Variants in CTSH observed in about 807,000 individuals in gnomAD.
The protein encoded by CTSH is cathepsin H, also known as pro-cathepsin H.
In CTSH, 52 loss-of-function variants were observed where a neutral mutation model predicts 56.3. The observed-to-expected ratio is 0.92, with a 90% confidence interval of 0.74 to 1.16. CTSH has a LOEUF of 1.16. Among genes scored for constraint, CTSH ranks in the 50% most tolerant of loss-of-function variants. The pLI, the probability that CTSH is intolerant of heterozygous loss-of-function variation, is 0.00. For synonymous variants in CTSH, 174 were observed against 155.7 expected (o/e 1.12, Z -0.88); for missense variants, 406 against 424.5 (o/e 0.96, Z 0.38).
Position 78,944,830 on chromosome 15 carries a change from T to C in CTSH, c.91+61A>G, listed in dbSNP as rs535954419. On this transcript the variant is annotated intron_variant, in intron 1 of 11. Transcript: ENST00000220166. ...GAGCCCAGTGCGCCCCTGGCCAAGTTCTCCCAGCGTCCACTCTAGGGCCTG... is the reference window on the plus strand; with the variant it reads ...GAGCCCAGTGCGCCCCTGGCCAAGTCCTCCCAGCGTCCACTCTAGGGCCTG... The C allele has an allele frequency of 5.4e-6, 8 of 1,492,726 alleles. No homozygotes were observed. The East Asian group carries it at 1.3e-4, about 25-fold the overall frequency. The allele number at this position is 1,492,726 out of a possible 1,614,324, so 92.5% of individuals were successfully genotyped here.
At position 78,922,017 on chromosome 15, in the gene CTSH, G is replaced by A. The variant is rs1158543163; in HGVS notation, c.*113C>T. The A allele has an allele frequency of 4.2e-6, 4 of 962,296 alleles. No homozygotes were observed. The highest frequency in any genetic ancestry group is 6.3e-6 in the Non-Finnish European group (4 of 630,618). 59.6% of individuals were successfully genotyped at this position (962,296 alleles called of 1,614,324 possible). The stretch of plus-strand genomic sequence containing the variant: ...CTGGGCACAGAGGTGAGGGCAGAAT[G>A]TTGGGGGTCCCAGTGGATCTCCCCA... On this transcript the variant is annotated 3_prime_UTR_variant, in exon 12 of 12. Coordinates refer to ENST00000220166, the MANE Select transcript of CTSH (RefSeq NM_004390.5).
chr15:78,923,250 G>T lies in CTSH; in HGVS notation c.807-132C>A. The T allele has an allele frequency of 4.3e-6, 4 of 937,320 alleles. No individual in the cohort carries two copies. The South Asian group carries it at 6.0e-5, about 14-fold the overall frequency. The allele number at this position is 937,320 out of a possible 1,614,324, so 58.1% of individuals were successfully genotyped here. A position where few individuals can be genotyped will look rare whatever the true frequency, so the allele number is the denominator to read the frequency against. On this transcript the variant is annotated intron_variant, in intron 10 of 11. Transcript: ENST00000220166. ...GCGGACCAGGGAGGCATGTAAGGTGGTGATGTAATCACATTTAGTCTCCGT... is the reference window on the plus strand; with the variant it reads ...GCGGACCAGGGAGGCATGTAAGGTGTTGATGTAATCACATTTAGTCTCCGT...
rs368699676 is a variant in CTSH, at chr15:78,929,462, G to A, written c.580C>T (p.Leu194=). 1.2e-6 allele frequency: 2 copies of A among 1,611,874 alleles called. No individual in the cohort carries two copies. The highest frequency in any genetic ancestry group is 1.3e-5 in the African/African-American group (1 of 74,854). The part of the protein sequence containing the change: ...GLPSQAFEYI[L]YNKGIMGEDT... ...TCACCCATGATCCCCTTGTTGTACA[G>A]GATATACTCGAAAGCCTGGCTGGGG... Residue 194 remains leucine, a synonymous_variant, in exon 8 of 12, where the codon CTG becomes TTG. Coordinates refer to ENST00000220166, the MANE Select transcript of CTSH (RefSeq NM_004390.5).
intron 6 of CTSH, chr15:78,931,798 T>C (rs2055066966): frequency 3.0e-6 from 4 of 1,350,968 alleles, no homozygotes; most frequent in South Asian, 3.0e-5. Context: ...GCCCATACGA[T>C]GCAGAGTGTG....
In CTSH at chr15:78,944,965, G is replaced by T. The variant is rs1008571639; in HGVS notation, c.17C>A (p.Pro6Gln). 19 of 1,545,234 alleles carry T rather than the reference G, an allele frequency of 1.2e-5. No homozygotes were observed. Among genetic ancestry groups the T allele is most frequent in the Non-Finnish European group, 1.6e-5 (18 of 1,145,330 alleles). MWATL[P>Q]LLCAGAWLLG... is the part of the protein sequence containing the mutation. Reference sequence around the variant, plus strand: ...GAGCCAGGCCCCGGCGCAGAGCAGCGGCAGCGTGGCCCACATCGCAGCGCT... The same window carrying T: ...GAGCCAGGCCCCGGCGCAGAGCAGCTGCAGCGTGGCCCACATCGCAGCGCT... Residue 6 changes from proline to glutamine, a missense_variant, in exon 1 of 12, where the codon CCG becomes CAG. Physicochemically the swap from Pro to Gln is moderately conservative, Grantham distance 76. Coordinates refer to ENST00000220166, the MANE Select transcript of CTSH (RefSeq NM_004390.5).
chr15:78,922,706 G>A (rs1265018514), intron 11 of CTSH, among the ~76,000 whole-genome samples: 10 of 152,228 alleles, frequency 6.6e-5, no homozygotes, highest in Non-Finnish European at 1.5e-4. Flanking sequence ...TTTCGTGCCA[G>A]CAGAGTTCCA....
intron 10 of CTSH, among the ~76,000 whole-genome samples, chr15:78,924,429 C>T (rs2054855638): frequency 6.6e-6 from 1 of 151,738 alleles, no homozygotes; most frequent in South Asian, 2.1e-4. Flanking sequence ...GTGACCAGGG[C>T]AGAGCCTCAG....
In CTSH at chr15:78,941,730, G is replaced by A. The variant is rs190802245; in HGVS notation, c.92-2559C>T. On this transcript the variant is annotated intron_variant, in intron 1 of 11. Transcript: ENST00000220166. Reference sequence around the variant, plus strand: ...AGAATGGCGTGAACCCGGGAGGCGGGGCTTGCAGTGAGCCGAGATCACGCC... The same window carrying A: ...AGAATGGCGTGAACCCGGGAGGCGGAGCTTGCAGTGAGCCGAGATCACGCC... Among the ~76,000 whole-genome samples, 1,192 of 146,550 alleles carry A rather than the reference G, an allele frequency of 8.1e-3. 17 individuals are homozygous for A. The highest frequency in any genetic ancestry group is 0.025 in the East Asian group (119 of 4,702).
rs760230429 is a variant in CTSH, at chr15:78,931,509, GGAA to G, written c.493-6_493-4del. 2.7e-5 allele frequency: 44 copies of G among 1,614,228 alleles called. No individual in the cohort carries two copies. The African/African-American group carries it at 3.6e-4, about 13-fold the overall frequency. On this transcript the variant is annotated splice_region_variant and splice_polypyrimidine_tract_variant and intron_variant, in intron 6 of 11. Coordinates refer to ENST00000220166, the MANE Select transcript of CTSH (RefSeq NM_004390.5). ...CAGTCCACCAGCTGCTGTTCCGCCT[GGAA>G]GAAGGACACAACCCAGTGACCTGCC...
intron 8 of CTSH, among the ~76,000 whole-genome samples, chr15:78,928,262 G>T (rs1318035421): frequency 6.6e-6 from 1 of 152,082 alleles, no homozygotes; most frequent in East Asian, 1.9e-4. Flanking sequence ...CTGGGCCTGG[G>T]CGTGAGGTTA....
rs1466509734 is a variant in CTSH at position 78,944,893 on chromosome 15, A to C, written c.89T>G (p.Leu30Ter). 3.9e-6 allele frequency: 6 copies of C among 1,547,750 alleles called. No homozygotes were observed. The African/African-American group carries it at 6.9e-5, about 18-fold the overall frequency. Residue 30 changes from leucine (L) to a stop codon, truncating the protein, a stop_gained and splice_region_variant, in exon 1 of 12, where the codon TTA becomes TGA. Transcript: ENST00000220166. LOFTEE classifies it high-confidence loss of function. ...CGGGCGGCGCGCCCTCTGCGTACCT[A>C]AGGAGTTCACGCACAGTTCGGCGGC... is the stretch of plus-strand genomic sequence containing the variant. ...CGAAELCVNSLEKFHFKSWMS... is the reference protein window; with the variant it reads ...CGAAELCVNS
In CTSH at chr15:78,929,513, G is replaced by C. The variant is rs201570995; in HGVS notation, c.549-20C>G. On this transcript the variant is annotated intron_variant, in intron 7 of 11. Transcript: ENST00000220166. ...AGACCCCTGCAAGAAGTACACACAG[G>C]TGAGCCCACCTGGGGCTGTCCTGAT... 6.3e-6 allele frequency: 10 copies of C among 1,590,714 alleles called. No individual in the cohort carries two copies. Among genetic ancestry groups the C allele is most frequent in the Non-Finnish European group, 8.6e-6 (10 of 1,163,288 alleles).
chr15:78,940,727 G>C (rs1057441856), intron 1 of CTSH, among the ~76,000 whole-genome samples: 14 of 152,164 alleles, frequency 9.2e-5, no homozygotes, highest in Admixed American at 5.9e-4. Context: ...GGGAGGCCAA[G>C]GTGGGCAGAT....
Position 78,932,390 on chromosome 15 carries a change from G to T in CTSH, c.474C>A (p.Thr158=), listed in dbSNP as rs149231812. Residue 158 remains threonine (T), a synonymous_variant, in exon 6 of 12, where the codon ACC becomes ACA. Transcript: ENST00000220166. ...TTCTTACCAAGGACAGCATCTTTCC[G>T]GTTGCGATGGCGATCGCAGACTCCA... is the stretch of plus-strand genomic sequence containing the variant. The part of the protein sequence containing the change: ...GALESAIAIA[T]GKMLSLAEQQ... 4.3e-6 allele frequency: 7 copies of T among 1,614,056 alleles called. No individual in the cohort carries two copies. The highest frequency in any genetic ancestry group is 5.9e-6 in the Non-Finnish European group (7 of 1,179,932).
chr15:78,932,910 T>G (rs1358596675), intron 5 of CTSH, among the ~76,000 whole-genome samples: 1 of 151,722 alleles, frequency 6.6e-6, no homozygotes, highest in Non-Finnish European at 1.5e-5. Flanking sequence ...CCCAAAGTTC[T>G]GTTTTTAGAA....
Position 78,929,425 on chromosome 15 carries a change from G to C in CTSH, c.617C>G (p.Pro206Arg), listed in dbSNP as rs1168149871. 5.0e-6 allele frequency: 8 copies of C among 1,612,356 alleles called. No individual in the cohort carries two copies. The highest frequency in any genetic ancestry group is 5.9e-6 in the Non-Finnish European group (7 of 1,179,078). ...NKGIMGEDTY[P>R]YQGKDGYCKF... ...TGTTGGAGTTACCTTGCCCTGGTAG[G>C]GGTAGGTGTCTTCACCCATGATCCC... The change falls in exon 8 of 12, where the codon CCC becomes CGC. Residue 206 changes from proline to arginine, a missense_variant. Coordinates refer to ENST00000220166, the MANE Select transcript of CTSH (RefSeq NM_004390.5).
At chr15:78,944,253 C>T (rs751348536) in intron 1 of CTSH, among the ~76,000 whole-genome samples, 1 of 152,176 alleles carries the variant, frequency 6.6e-6, no homozygotes, top group Non-Finnish European at 1.5e-5. Flanking sequence ...TGCCTGAGCC[C>T]GGGCAGTAGA....
At chr15:78,923,172 A>G in intron 10 of CTSH, 54 bp from the exon 11 acceptor site, 1 of 1,602,146 alleles carries the variant, frequency 6.2e-7, no homozygotes, top group Non-Finnish European at 8.5e-7. Flanking sequence ...AAAAGCAATG[A>G]CAGTCCCATC....
At chr15:78,939,832 G>A (rs1392798634) in intron 1 of CTSH, among the ~76,000 whole-genome samples, 2 of 152,222 alleles carry the variant, frequency 1.3e-5, no homozygotes, top group African/African-American at 2.4e-5. Flanking sequence ...GCAGTGAGCC[G>A]AGATCGTGCC....
Sources: allele counts gnomAD v4.1 joint callset (sites outside exome capture counted in the v4.1 genomes callset), GRCh38; gene constraint gnomAD v4.1.1; transcripts MANE v1.5; gene names NCBI Gene and HGNC (gene_info 2026-07-23, HGNC 2026-07-21).